The following DTNA variants were observed in gnomAD, a reference collection of about 807,000 sequenced individuals.
DTNA encodes the protein dystrobrevin alpha, also known as dystrophin-related protein 3.
DTNA carries 43 observed loss-of-function variants against 100.7 expected under a neutral mutation model. That is an observed-to-expected ratio of 0.43 (90% CI 0.33 to 0.55). The LOEUF (loss-of-function observed/expected upper bound fraction) is 0.55, where lower values mean the gene tolerates loss of function less well. Among genes scored for constraint, DTNA ranks in the 20% least tolerant of loss-of-function variants. The pLI is 0.04. For missense variants in DTNA, 798 were observed against 953.9 expected, an observed-to-expected ratio of 0.84 and a Z score of 2.15; for synonymous variants, 349 against 347.9, an observed-to-expected ratio of 1.00 and a Z score of -0.04.
chr18:34,493,735 A>C (rs1394975450), intron 1 of DTNA, among the ~76,000 whole-genome samples: 1 of 148,752 alleles, frequency 6.7e-6, no homozygotes, highest in Admixed American at 6.7e-5. Flanking sequence ...GGGCGCGGAC[A>C]CAGGCGGCTC....
At chr18:34,523,927 C>G (rs2145297305) in intron 1 of DTNA, among the ~76,000 whole-genome samples, 1 of 152,196 alleles carries the variant, frequency 6.6e-6, no homozygotes, top group East Asian at 1.9e-4. Context: ...GTGTCTTGGA[C>G]ATTGATGGAA....
chr18:34,526,341 C>T (rs1280371749), intron 1 of DTNA, among the ~76,000 whole-genome samples: 1 of 152,094 alleles, frequency 6.6e-6, no homozygotes, highest in South Asian at 2.1e-4. Flanking sequence ...TCAGTATCAT[C>T]ATTAGGAGTA....
intron 1 of DTNA, among the ~76,000 whole-genome samples, chr18:34,556,208 T>A (rs1020254895): frequency 2.6e-5 from 4 of 151,400 alleles, no homozygotes; most frequent in Non-Finnish European, 4.4e-5. Context: ...CCTTTTTTTG[T>A]TTTCCATTTG....
At chr18:34,884,662 A>G in intron 21 of DTNA, 66 bp from the exon 22 acceptor site, 1 of 1,567,446 alleles carries the variant, frequency 6.4e-7, no homozygotes, top group Non-Finnish European at 8.8e-7. Context: ...CAAATAATTC[A>G]CCAGCTTGAC....
At chr18:34,794,773 C>T (rs1458205892) in intron 4 of DTNA, among the ~76,000 whole-genome samples, 1 of 152,154 alleles carries the variant, frequency 6.6e-6, no homozygotes, top group African/African-American at 2.4e-5. Context: ...GGGATGCTGT[C>T]CACAGACCAC....
chr18:34,588,961 G>A (rs1357164), intron 1 of DTNA, among the ~76,000 whole-genome samples: 15,505 of 150,154 alleles, frequency 0.1, 1,156 homozygotes, highest in African/African-American at 0.21. Flanking sequence ...TCAAATATAC[G>A]AATTATATTT....
chr18:34,671,446 T>G (rs77182388), intron 1 of DTNA, among the ~76,000 whole-genome samples: 2,686 of 152,252 alleles, frequency 0.018, 64 homozygotes, highest in African/African-American at 0.058. Context: ...CGGTACCTCA[T>G]TTGGAAATTC....
intron 1 of DTNA, among the ~76,000 whole-genome samples, chr18:34,553,498 T>A (rs1164936980): frequency 2.6e-5 from 4 of 151,806 alleles, no homozygotes; most frequent in Admixed American, 1.3e-4. Flanking sequence ...TCTTCTAGGG[T>A]TTTTATGGTT....
chr18:34,816,036 A>G, intron 7 of DTNA, 22 bp downstream of exon 7: 1 of 1,605,192 alleles, frequency 6.2e-7, no homozygotes, highest in Non-Finnish European at 8.5e-7. Flanking sequence ...CTAAGGAGCA[A>G]AGGTGATTTT....
At chr18:34,765,820 C>A in intron 2 of DTNA, 141 bp from the exon 3 acceptor site, 2 of 806,696 alleles carry the variant, frequency 2.5e-6, no homozygotes, top group Non-Finnish European at 3.9e-6. Context: ...CAGACCTGTT[C>A]AAGTCTTAAA....
intron 1 of DTNA, among the ~76,000 whole-genome samples, chr18:34,588,686 AGTGTGT>A (rs145242890): frequency 2.0e-5 from 3 of 149,556 alleles, no homozygotes; most frequent in African/African-American, 4.9e-5. Context: ...TGAATATTAT[AGTGTGT>A]GTGTGTGTGT....
Position 34,815,925 on chromosome 18 carries a change from A to G in DTNA, c.620A>G (p.Asn207Ser). The G allele has an allele frequency of 1.2e-6, 2 of 1,613,738 alleles. No homozygotes were observed. Among genetic ancestry groups the G allele is most frequent in the Non-Finnish European group, 1.7e-6 (2 of 1,179,700 alleles). The change falls in exon 7 of 23, where the codon AAT (asparagine) becomes AGT (serine). Residue 207 changes from asparagine to serine, a missense_variant. Asn to Ser is a conservative substitution (Grantham distance 46). Around this residue, in one of 6 missense-constraint regions of DTNA, gnomAD observed 81 missense variants for 153.5 expected, o/e 0.53. Transcript: ENST00000444659. ...TTTATGCAGAAAAAAGTCACGTTAA[A>G]TGGTTTCTTGGACACGCTTATGTCA... ...CFSQQKKVTL[N>S]GFLDTLMSDP...
chr18:34,751,415 C>T (rs2092308894), intron 1 of DTNA, among the ~76,000 whole-genome samples: 1 of 152,190 alleles, frequency 6.6e-6, no homozygotes, highest in Non-Finnish European at 1.5e-5. Flanking sequence ...AATCTCTATA[C>T]ATCAATTTCC....
Position 34,838,829 on chromosome 18 carries a change from C to T in DTNA, c.1338C>T (p.Asn446=), listed in dbSNP as rs1396259577. ...IGLYVNMLRN[N]PSCMLESSNR... is the part of the protein sequence containing the mutation. ...TGTATGTCAACATGCTCCGGAACAA[C>T]CCCTCATGGTTAGTGCAGGTTTGGC... The change falls in exon 13 of 23, where the codon AAC becomes AAT. Residue 446 remains asparagine (N), a synonymous_variant. Coordinates refer to ENST00000444659, the MANE Select transcript of DTNA (RefSeq NM_001386795.1). 1 of 1,613,570 alleles carries T rather than the reference C, an allele frequency of 6.2e-7. No individual in the cohort carries two copies. The highest frequency in any genetic ancestry group is 1.1e-5 in the South Asian group (1 of 91,088).
chr18:34,654,261 AT>A (rs2074032016), intron 1 of DTNA, among the ~76,000 whole-genome samples: 1 of 152,180 alleles, frequency 6.6e-6, no homozygotes, highest in Non-Finnish European at 1.5e-5. Context: ...CACTTTGCAA[AT>A]GTCCCTGTGA....
chr18:34,867,861 G>A (rs927611773), intron 17 of DTNA: 2 of 985,352 alleles, frequency 2.0e-6, no homozygotes, highest in Admixed American at 6.1e-5. Flanking sequence ...GCATCTCAGG[G>A]GGCCAACAGC....
chr18:34,806,335 C>CT, intron 5 of DTNA, 31 bp downstream of exon 5: 1 of 1,593,798 alleles, frequency 6.3e-7, no homozygotes, highest in South Asian at 1.1e-5. Context: ...TGTCTGTTTG[C>CT]TTTTCCTTGC....
At chr18:34,657,568 G>C (rs1454363068) in intron 1 of DTNA, among the ~76,000 whole-genome samples, 1 of 151,988 alleles carries the variant, frequency 6.6e-6, no homozygotes, top group Non-Finnish European at 1.5e-5. Flanking sequence ...AAAATCATTA[G>C]AATACCAACC....
chr18:34,820,180 AC>A (rs1426034990), intron 8 of DTNA, among the ~76,000 whole-genome samples: 1 of 151,944 alleles, frequency 6.6e-6, no homozygotes, highest in East Asian at 1.9e-4. Context: ...TTCCATTTTC[AC>A]TTCTAACTGG....
Sources: allele counts gnomAD v4.1 joint callset (sites outside exome capture counted in the v4.1 genomes callset), GRCh38; gene constraint gnomAD v4.1.1; regional missense constraint gnomAD v4.1.1; transcripts MANE v1.5; gene names NCBI Gene and HGNC (gene_info 2026-07-23, HGNC 2026-07-21).